The following WDR26 variants were observed in gnomAD, a reference collection of about 807,000 sequenced individuals.
WDR26 encodes WD repeat domain 26, also known as WD repeat-containing protein 26.
Under a neutral mutation model 84.1 loss-of-function variants are expected in WDR26, and 5 were observed. The observed-to-expected ratio is 0.06, with a 90% confidence interval of 0.03 to 0.13. The LOEUF (loss-of-function observed/expected upper bound fraction) is 0.13, where lower values mean the gene tolerates loss of function less well. Ranked by LOEUF, WDR26 falls within the 10% of genes least tolerant of loss-of-function variation. WDR26 has a pLI of 1.00. For missense variants in WDR26, 642 were observed against 974.9 expected (o/e 0.66, Z 4.55); for synonymous variants, 415 against 389.6 (o/e 1.07, Z -0.77).
At chr1:224,398,466 A>C in intron 11 of WDR26, 49 bp downstream of exon 11, 1 of 1,489,618 alleles carries the variant, frequency 6.7e-7, no homozygotes, top group Non-Finnish European at 9.1e-7. Context: ...AGTTAAAATA[A>C]AACTTGTACT....
intron 5 of WDR26, 126 bp downstream of exon 5, chr1:224,419,392 T>C (rs1364690522): frequency 1.4e-6 from 1 of 736,774 alleles, no homozygotes; most frequent in Non-Finnish European, 2.3e-6. Context: ...AAAAACTGGA[T>C]TCTCCCTCTT....
chr1:224,397,164 T>C (rs991740144), intron 12 of WDR26, among the ~76,000 whole-genome samples: 2 of 152,200 alleles, frequency 1.3e-5, no homozygotes, highest in Non-Finnish European at 2.9e-5. Flanking sequence ...TATATTTTTT[T>C]ACTTTTTGTA....
intron 6 of WDR26, among the ~76,000 whole-genome samples, chr1:224,415,458 T>C (rs1490100124): frequency 2.1e-4 from 17 of 80,084 alleles, no homozygotes; most frequent in South Asian, 1.0e-3. Context: ...TCTTTCTTTT[T>C]TTTTTTTTTT....
At chr1:224,419,407 G>A (rs1673992525) in intron 5 of WDR26, 111 bp downstream of exon 5, 2 of 835,768 alleles carry the variant, frequency 2.4e-6, no homozygotes, top group Admixed American at 2.1e-5. Flanking sequence ...CCTCTTCTAA[G>A]CACTCAATAA....
rs1558431860 is a variant in WDR26 at position 224,413,201 on chromosome 1, AC to A, written c.1320-1637del. ...GAGATAGTCTCAAACAACAACAACA[AC>A]AAAAACCCCCCCCCCCAAAAAAAAC... On this transcript the variant is annotated intron_variant, in intron 6 of 13. Coordinates refer to ENST00000414423, the MANE Select transcript of WDR26 (RefSeq NM_001379403.1). The A allele has an allele frequency of 3.1e-4, 227 of 733,788 alleles. 2 individuals carry two copies. Among genetic ancestry groups the A allele is most frequent in the African/African-American group, 1.6e-3 (84 of 53,640 alleles). The allele number at this position is 733,788 out of a possible 1,614,324, so 45.5% of individuals were successfully genotyped here. A position where few individuals can be genotyped will look rare whatever the true frequency, so the allele number is the denominator to read the frequency against.
At chr1:224,405,864 G>A (rs1673535409) in intron 7 of WDR26, among the ~76,000 whole-genome samples, 1 of 152,202 alleles carries the variant, frequency 6.6e-6, no homozygotes, top group African/African-American at 2.4e-5. Flanking sequence ...CTTAAAATTT[G>A]TAAGCTAGGG....
chr1:224,391,962 T>G (rs1304928440), intron 13 of WDR26, among the ~76,000 whole-genome samples: 1 of 152,184 alleles, frequency 6.6e-6, no homozygotes, highest in East Asian at 1.9e-4. Context: ...ACCCAGATCC[T>G]ACAAATTAGC....
intron 6 of WDR26, among the ~76,000 whole-genome samples, chr1:224,413,776 G>A (rs1247921446): frequency 6.6e-6 from 1 of 152,044 alleles, no homozygotes; most frequent in Admixed American, 6.6e-5. Context: ...AGCAATTTCA[G>A]TATCAGAAAT....
chr1:224,390,003 A>G (rs760205692), intron 13 of WDR26, 143 bp from the exon 14 acceptor site: 1 of 607,688 alleles, frequency 1.6e-6, no homozygotes. Context: ...ATCAAAGCAA[A>G]TTCTTGAAAC....
At chr1:224,419,424 G>A in intron 5 of WDR26, 94 bp downstream of exon 5, 1 of 955,744 alleles carries the variant, frequency 1.0e-6, no homozygotes, top group East Asian at 2.5e-5. Flanking sequence ...ATAAAAGTAT[G>A]TCCAGATATT....
At chr1:224,398,837 A>G in intron 10 of WDR26, 52 bp downstream of exon 10, 3 of 1,603,636 alleles carry the variant, frequency 1.9e-6, no homozygotes, top group East Asian at 2.2e-5. Flanking sequence ...TCCACTACAC[A>G]TTTGAATATA....
At chr1:224,394,203 G>A (rs1051586744) in intron 12 of WDR26, among the ~76,000 whole-genome samples, 190 bp from the exon 13 acceptor site, 1 of 152,086 alleles carries the variant, frequency 6.6e-6, no homozygotes, top group Admixed American at 6.5e-5. Context: ...TCCTGTTAAA[G>A]GTGATCAGCT....
chr1:224,433,620 C>CT, intron 1 of WDR26, 64 bp downstream of exon 1: 2 of 1,177,778 alleles, frequency 1.7e-6, no homozygotes, highest in Non-Finnish European at 1.1e-6. Flanking sequence ...GCCCCTTCCC[C>CT]TACCCCCCTG....
intron 6 of WDR26, among the ~76,000 whole-genome samples, chr1:224,414,088 A>G (rs912430957): frequency 2.0e-5 from 3 of 150,810 alleles, no homozygotes; most frequent in African/African-American, 7.3e-5. Flanking sequence ...CTGGGATTAC[A>G]GGCGTGAGCC....
At chr1:224,410,694 CT>C (rs397983007) in intron 7 of WDR26, among the ~76,000 whole-genome samples, 182 of 118,938 alleles carry the variant, frequency 1.5e-3, no homozygotes, top group Middle Eastern at 4.3e-3. Flanking sequence ...ATCTTTCTTT[CT>C]TTTTTTTTTT....
chr1:224,401,155 T>C (rs1673402169), intron 8 of WDR26, 86 bp from the exon 9 acceptor site: 1 of 1,362,984 alleles, frequency 7.3e-7, no homozygotes, highest in Non-Finnish European at 1.0e-6. Flanking sequence ...CTGGGATGTC[T>C]GGCTGGTTTC....
chr1:224,424,707 A>AAAATGT (rs1156263478), intron 3 of WDR26, 53 bp from the exon 4 acceptor site: 1 of 1,612,518 alleles, frequency 6.2e-7, no homozygotes. Flanking sequence ...GAAGTTTCAG[A>AAAATGT]AAATGTTTGT....
chr1:224,407,615 TCTC>T (rs1673619715), intron 7 of WDR26, among the ~76,000 whole-genome samples: 1 of 151,442 alleles, frequency 6.6e-6, no homozygotes, highest in African/African-American at 2.4e-5. Context: ...TTCAAGCAAT[TCTC>T]CTGCCTCAGC....
Position 224,419,633 on chromosome 1 carries a change from A to G in WDR26, c.1065-18T>C. 6.3e-7 allele frequency: 1 copy of G among 1,581,614 alleles called. No individual in the cohort carries two copies. The highest frequency in any genetic ancestry group is 8.7e-7 in the Non-Finnish European group (1 of 1,150,824). ...TCAGATACCTAAAAATACAACAGAG[A>G]AAGCAACCAATATTAAACCCATTTC... On this transcript the variant is annotated intron_variant, in intron 4 of 13. Transcript: ENST00000414423.
Sources: gnomAD v4.1 joint callset for allele counts (sites outside exome capture counted in the v4.1 genomes callset) on GRCh38, gnomAD v4.1.1 for gene constraint, MANE v1.5 for transcripts, NCBI Gene and HGNC (gene_info 2026-07-23, HGNC 2026-07-21) for gene names.